STYXL2: variants seen among roughly 807,000 people sequenced by gnomAD.
STYXL2 encodes serine/threonine/tyrosine interacting like 2, also known as serine/threonine/tyrosine-interacting-like protein 2.
STYXL2 carries 44 observed loss-of-function variants against 52.4 expected under a neutral mutation model. The observed-to-expected ratio is 0.84, with a 90% confidence interval of 0.66 to 1.08. The LOEUF is 1.08. Ranked by LOEUF, STYXL2 falls within the 50% of genes least tolerant of loss-of-function variation. The pLI is 0.00. For synonymous variants in STYXL2, 604 were observed against 586.9 expected, an observed-to-expected ratio of 1.03 and a Z score of -0.42; for missense variants, 1,604 against 1,471.7, an observed-to-expected ratio of 1.09 and a Z score of -1.47.
At position 167,128,212 on chromosome 1, in the gene STYXL2, C is replaced by T. The variant is rs141448679; in HGVS notation, c.3081C>T (p.Asn1027=). 3,270 of 1,614,176 alleles carry T rather than the reference C, an allele frequency of 2.0e-3. 10 individuals are homozygous for T. The highest frequency in any genetic ancestry group is 5.9e-3 in the Middle Eastern group (36 of 6,062). Residue 1027 remains asparagine, a synonymous_variant, in exon 6 of 6, where the codon AAC becomes AAT. Coordinates refer to ENST00000361200, the MANE Select transcript of STYXL2 (RefSeq NM_001080426.3). ...EMHKFSRSTY[N]ETSSSREESP... is the part of the protein sequence containing the mutation. ...ACAAGTTCTCCAGGTCCACGTACAA[C>T]GAGACCTCAAGTTCCCGAGAGGAGA...
At position 167,115,083 on chromosome 1, in the gene STYXL2, G is replaced by T. The variant is rs1049771202; in HGVS notation, c.205+1279G>T. 9.9e-5 allele frequency among the ~76,000 whole-genome samples: 15 copies of T among 152,184 alleles called. 1 individual carries two copies. The highest frequency in any genetic ancestry group is 2.9e-5 in the Non-Finnish European group (2 of 68,040). Reference sequence around the variant, plus strand: ...TAAAAAACATTTTCTCTCTTTGAAAGCTTCACTTTCAAGTCTATAGAATGC... The same window carrying T: ...TAAAAAACATTTTCTCTCTTTGAAATCTTCACTTTCAAGTCTATAGAATGC... On this transcript the variant is annotated intron_variant, in intron 3 of 5. Coordinates refer to ENST00000361200, the MANE Select transcript of STYXL2 (RefSeq NM_001080426.3).
In STYXL2 at chr1:167,126,202, G is replaced by T; in HGVS notation, c.1071G>T (p.Gly357=). The change falls in exon 6 of 6, where the codon GGG becomes GGT. Residue 357 remains glycine (G), a synonymous_variant. Transcript: ENST00000361200. ...AACTGTACGAGCAGTGGAAGAAGGG[G>T]CAGGGCCTCCTCTCAGACAAGGTCC... The part of the protein sequence containing the change: ...EEKLYEQWKK[G]QGLLSDKVPQ... 1 of 1,533,286 alleles carries T rather than the reference G, an allele frequency of 6.5e-7. No individual in the cohort carries two copies. The highest frequency in any genetic ancestry group is 1.3e-5 in the South Asian group (1 of 75,646). 95.0% of individuals were successfully genotyped at this position (1,533,286 alleles called of 1,614,324 possible).
chr1:167,117,384 G>C lies in STYXL2; in HGVS notation c.262G>C (p.Ala88Pro), dbSNP rs571219118. ...AGAGTGTCCAGGCATGCTGGAGTCT[G>C]CTGAACAGCTGCTGGTGGAGGACCT... ...DAECPGMLES[A>P]EQLLVEDLYN... The change falls in exon 4 of 6, where the codon GCT becomes CCT. Residue 88 changes from alanine (A) to proline (P), a missense_variant. Physicochemically the swap from Ala to Pro is conservative, Grantham distance 27. Coordinates refer to ENST00000361200, the MANE Select transcript of STYXL2 (RefSeq NM_001080426.3). The C allele has an allele frequency of 6.2e-7, 1 of 1,612,628 alleles. No homozygotes were observed. The highest frequency in any genetic ancestry group is 8.5e-7 in the Non-Finnish European group (1 of 1,179,494).
chr1:167,094,643 G>A (rs1008391121), intron 1 of STYXL2, among the ~76,000 whole-genome samples, 191 bp from the exon 2 acceptor site: 10 of 152,028 alleles, frequency 6.6e-5, no homozygotes, highest in Admixed American at 3.9e-4. Flanking sequence ...CTAATATGGC[G>A]GGGTGCACTT....
chr1:167,124,859 A>G (rs951957557), intron 5 of STYXL2, among the ~76,000 whole-genome samples: 4 of 152,028 alleles, frequency 2.6e-5, no homozygotes, highest in African/African-American at 9.7e-5. Context: ...AGTGACCCAA[A>G]CAAGGGTGGG....
intron 2 of STYXL2, among the ~76,000 whole-genome samples, chr1:167,096,846 T>A (rs992888730): frequency 3.3e-5 from 5 of 152,162 alleles, no homozygotes; most frequent in African/African-American, 1.2e-4. Flanking sequence ...GTTTACTGCC[T>A]CCTAAGTGAG....
intron 2 of STYXL2, among the ~76,000 whole-genome samples, chr1:167,108,493 G>A (rs6691803): frequency 0.65 from 99,223 of 152,052 alleles, 33,680 homozygotes; most frequent in East Asian, 0.9. Flanking sequence ...CACAGAAAAT[G>A]CTTGGTGCTA....
intron 2 of STYXL2, among the ~76,000 whole-genome samples, chr1:167,098,513 A>T (rs1170083428): frequency 6.6e-6 from 1 of 152,218 alleles, no homozygotes; most frequent in Admixed American, 6.5e-5. Flanking sequence ...TTAACAAAGA[A>T]TAAAAAATTT....
rs775965801 is a variant in STYXL2, at chr1:167,127,799, G to A, written c.2668G>A (p.Asp890Asn). The A allele has an allele frequency of 9.9e-6, 16 of 1,613,806 alleles. No homozygotes were observed. Among genetic ancestry groups the A allele is most frequent in the Non-Finnish European group, 1.4e-5 (16 of 1,180,034 alleles). ...TGTGGGTGATGGGGATGAGGACACT[G>A]ACAGTGCCATAGGGAGCTTCCGATA... ...DGVGDGDEDT[D>N]SAIGSFRYSS... Residue 890 changes from aspartate (D) to asparagine (N), a missense_variant, in exon 6 of 6, where the codon GAC (aspartate) becomes AAC (asparagine). Physicochemically the swap from Asp to Asn is conservative, Grantham distance 23. Transcript: ENST00000361200.
At chr1:167,123,079 T>C (rs947384363) in intron 5 of STYXL2, among the ~76,000 whole-genome samples, 3 of 152,236 alleles carry the variant, frequency 2.0e-5, no homozygotes, top group Non-Finnish European at 2.9e-5. Context: ...CATTTTACTG[T>C]TGGAAAAATT....
chr1:167,105,095 T>C (rs977537101), intron 2 of STYXL2, among the ~76,000 whole-genome samples: 1 of 140,656 alleles, frequency 7.1e-6, no homozygotes, highest in Non-Finnish European at 1.5e-5. Context: ...TTTCCCCTCC[T>C]CCTTCCCTCC....
intron 2 of STYXL2, among the ~76,000 whole-genome samples, chr1:167,111,839 A>T (rs1441997740): frequency 6.6e-6 from 1 of 152,096 alleles, no homozygotes; most frequent in Non-Finnish European, 1.5e-5. Context: ...AGAAATCACC[A>T]CTAAAGAACA....
intron 5 of STYXL2, among the ~76,000 whole-genome samples, chr1:167,122,554 A>G (rs1243982575): frequency 6.6e-6 from 1 of 152,162 alleles, no homozygotes; most frequent in Non-Finnish European, 1.5e-5. Flanking sequence ...TTGGGAGGGT[A>G]TAGCACAATT....
At chr1:167,114,588 C>G (rs1171238369) in intron 3 of STYXL2, among the ~76,000 whole-genome samples, 1 of 152,150 alleles carries the variant, frequency 6.6e-6, no homozygotes, top group African/African-American at 2.4e-5. Flanking sequence ...TTTGTCCATT[C>G]TAACTCTGGT....
At chr1:167,106,363 T>G (rs977776506) in intron 2 of STYXL2, among the ~76,000 whole-genome samples, 2 of 152,132 alleles carry the variant, frequency 1.3e-5, no homozygotes, top group African/African-American at 4.8e-5. Context: ...AAAGCCTCTT[T>G]GGGACACAAA....
At chr1:167,099,957 T>C (rs371958996) in intron 2 of STYXL2, among the ~76,000 whole-genome samples, 1 of 152,250 alleles carries the variant, frequency 6.6e-6, no homozygotes, top group East Asian at 1.9e-4. Context: ...TGGTCTCTTT[T>C]CTGTTGCTAT....
chr1:167,115,442 G>C (rs1298052519), intron 3 of STYXL2, among the ~76,000 whole-genome samples: 1 of 152,202 alleles, frequency 6.6e-6, no homozygotes, highest in African/African-American at 2.4e-5. Flanking sequence ...TACAGAGGCT[G>C]AAGTGTGAAC....
At position 167,128,545 on chromosome 1, in the gene STYXL2, T is replaced by C; in HGVS notation, c.3414T>C (p.Ile1138=). ...EEEEMDDEAI[I]AAWRRRQEET... is the part of the protein sequence containing the mutation. ...AAGAAATGGACGATGAAGCCATCAT[T>C]GCTGCTTGGAGACGCCGGCAAGAAG... is the stretch of plus-strand genomic sequence containing the variant. Residue 1138 remains isoleucine, a synonymous_variant, in exon 6 of 6, where the codon ATT becomes ATC. Transcript: ENST00000361200. The C allele has an allele frequency of 6.2e-7, 1 of 1,613,842 alleles. No homozygotes were observed. Among genetic ancestry groups the C allele is most frequent in the Non-Finnish European group, 8.5e-7 (1 of 1,179,994 alleles).
chr1:167,128,691 G>C lies in STYXL2; in HGVS notation c.*83G>C. On this transcript the variant is annotated 3_prime_UTR_variant, in exon 6 of 6. Coordinates refer to ENST00000361200, the MANE Select transcript of STYXL2 (RefSeq NM_001080426.3). The stretch of plus-strand genomic sequence containing the variant: ...GCACACGTTGCCACCACTCATCGCA[G>C]GATGAGGATACAGAGAGGATCTTCC... 6.7e-7 allele frequency: 1 copy of C among 1,487,122 alleles called. No homozygotes were observed. 92.1% of individuals were successfully genotyped at this position (1,487,122 alleles called of 1,614,324 possible).
Sources: gnomAD v4.1 joint callset for allele counts (sites outside exome capture counted in the v4.1 genomes callset) on GRCh38, gnomAD v4.1.1 for gene constraint, MANE v1.5 for transcripts, NCBI Gene and HGNC (gene_info 2026-07-23, HGNC 2026-07-21) for gene names.